The following ABCC11 variants were observed in gnomAD, a reference collection of about 807,000 sequenced individuals.
ABCC11 encodes ATP binding cassette subfamily C member 11.
In ABCC11, 135 loss-of-function variants were observed where a neutral mutation model predicts 149.3. The observed-to-expected ratio is 0.90, with a 90% confidence interval of 0.79 to 1.04. The LOEUF (loss-of-function observed/expected upper bound fraction) is 1.04. Ranked by LOEUF, ABCC11 falls within the 50% of genes least tolerant of loss-of-function variation. The probability of loss-of-function intolerance (pLI) is 0.00; values close to 1 mark genes in which losing one functional copy is unlikely to be tolerated. For missense variants in ABCC11, 1,680 were observed against 1,722.1 expected (o/e 0.98, Z 0.43); for synonymous variants, 665 against 671.4 (o/e 0.99, Z 0.15).
At chr16:48,184,106 T>A (rs1430614891) in intron 23 of ABCC11, among the ~76,000 whole-genome samples, 2 of 152,184 alleles carry the variant, frequency 1.3e-5, no homozygotes, top group East Asian at 3.9e-4. Context: ...CTAACATGCA[T>A]CTGTTTGGAC....
intron 13 of ABCC11, 128 bp downstream of exon 13, chr16:48,205,285 T>C (rs1968333852): frequency 1.1e-5 from 14 of 1,323,778 alleles, no homozygotes; most frequent in Non-Finnish European, 1.5e-5. Context: ...CAGTGAGGGG[T>C]GAATATGATA....
At chr16:48,201,794 G>A (rs963734713) in intron 14 of ABCC11, among the ~76,000 whole-genome samples, 5 of 152,166 alleles carry the variant, frequency 3.3e-5, no homozygotes, top group Non-Finnish European at 7.3e-5. Flanking sequence ...AGGAGTTGAG[G>A]GTGGAAACCC....
In ABCC11 at chr16:48,216,115, G is replaced by A. The variant is rs11863236; in HGVS notation, c.950C>T (p.Ala317Val). The A allele has an allele frequency of 6.0e-5, 96 of 1,613,260 alleles. 1 individual carries two copies. Among genetic ancestry groups the A allele is most frequent in the Middle Eastern group, 1.6e-4 (1 of 6,080 alleles). The change falls in exon 7 of 30, where the codon GCG (alanine) becomes GTG (valine). Residue 317 changes from alanine (A) to valine (V), a missense_variant and splice_region_variant. Ala to Val is a moderately conservative substitution (Grantham distance 64, BLOSUM62 0). Transcript: ENST00000356608. ...ILCYLLVFPL[A>V]VFMTRMAVKA... ...ATGGGTGACAGAGAAAGACATTACC[G>A]CCAGTGGGAAAACCAGGAGATAGCA...
chr16:48,208,293 G>T (rs1030881688), intron 12 of ABCC11, 132 bp downstream of exon 12: 11 of 955,570 alleles, frequency 1.2e-5, no homozygotes, highest in Admixed American at 2.5e-5. Flanking sequence ...AACCATTTTT[G>T]ATTTATAAAA....
rs1378542185 is a variant in ABCC11, at chr16:48,247,446, T to C, written c.-151A>G. ...GAAGTAATTTGCTCCCAGCGTTCTT[T>C]GCCACACAGAGTGGCAGGATTAGAT... On this transcript the variant is annotated 5_prime_UTR_variant, in exon 1 of 30. Transcript: ENST00000356608. The C allele has an allele frequency of 2.6e-5, 4 of 152,508 alleles. No individual in the cohort carries two copies. Among genetic ancestry groups the C allele is most frequent in the Admixed American group, 6.5e-5 (1 of 15,294 alleles). The allele number at this position is 152,508 out of a possible 1,614,324, so 9.4% of individuals were successfully genotyped here.
intron 4 of ABCC11, among the ~76,000 whole-genome samples, chr16:48,227,121 G>A (rs1488422733): frequency 1.3e-5 from 2 of 152,154 alleles, no homozygotes; most frequent in Non-Finnish European, 2.9e-5. Flanking sequence ...AATACTCAGT[G>A]CCACTGTTGA....
At chr16:48,219,307 C>T (rs542682868) in intron 6 of ABCC11, among the ~76,000 whole-genome samples, 1 of 152,078 alleles carries the variant, frequency 6.6e-6, no homozygotes, top group East Asian at 1.9e-4. Flanking sequence ...GTAGCTGGGA[C>T]CACAGGCGCA....
At chr16:48,214,348 G>A (rs1258942011) in intron 9 of ABCC11, among the ~76,000 whole-genome samples, 1 of 152,088 alleles carries the variant, frequency 6.6e-6, no homozygotes, top group Non-Finnish European at 1.5e-5. Context: ...CCCCTTGGCT[G>A]CAGACTCTCA....
At position 48,167,316 on chromosome 16, in the gene ABCC11, C is replaced by A. The variant is rs1470371372; in HGVS notation, c.4107G>T (p.Leu1369Phe). The change falls in exon 30 of 30, where the codon TTG (leucine) becomes TTT (phenylalanine). Residue 1369 changes from leucine (L) to phenylalanine (F), a missense_variant. Transcript: ENST00000356608. ...PEVLRKKPGS[L>F]FAALMATATS... ...TGGCTGTGGCCATGAGGGCTGCGAA[C>A]AATGACCCAGGCTTCTTCCGCAGTA... 2 of 959,992 alleles carry A rather than the reference C, an allele frequency of 2.1e-6. No individual in the cohort carries two copies. The highest frequency in any genetic ancestry group is 3.4e-6 in the Non-Finnish European group (2 of 582,126). 59.5% of individuals were successfully genotyped at this position (959,992 alleles called of 1,614,324 possible).
intron 11 of ABCC11, chr16:48,209,692 G>A (rs1968750967): frequency 6.6e-6 from 1 of 152,364 alleles, no homozygotes; most frequent in Admixed American, 6.5e-5. Flanking sequence ...CAGAGAGACA[G>A]AGGATGGGAG....
intron 13 of ABCC11, 45 bp downstream of exon 13, chr16:48,205,368 C>A (rs563631544): frequency 3.7e-6 from 6 of 1,609,498 alleles, no homozygotes; most frequent in South Asian, 3.3e-5. Flanking sequence ...GCCCCCAGAC[C>A]AGCCACATGC....
chr16:48,221,740 G>A (rs1969753113), intron 6 of ABCC11, among the ~76,000 whole-genome samples: 1 of 111,288 alleles, frequency 9.0e-6, no homozygotes, highest in South Asian at 2.3e-4. Context: ...TATTTGGGGT[G>A]TGTGTGTGTG....
chr16:48,222,506 C>A (rs894966871), intron 6 of ABCC11, 92 bp downstream of exon 6: 11 of 1,049,686 alleles, frequency 1.0e-5, no homozygotes, highest in Admixed American at 2.2e-5. Flanking sequence ...CTCTTCTAAC[C>A]CCCTTTTCTC....
intron 3 of ABCC11, among the ~76,000 whole-genome samples, chr16:48,229,837 C>T (rs1567288597): frequency 1.3e-5 from 2 of 152,186 alleles, no homozygotes; most frequent in Non-Finnish European, 2.9e-5. Context: ...TCATGCCACA[C>T]CCACATCACA....
At chr16:48,244,708 A>G in intron 1 of ABCC11, 1 of 1,000,350 alleles carries the variant, frequency 1.0e-6, no homozygotes, top group Non-Finnish European at 1.3e-6. Context: ...CTTGAGCGCG[A>G]GGCTCAGTTC....
Position 48,192,736 on chromosome 16 carries a change from G to T in ABCC11, c.2509-19C>A, listed in dbSNP as rs988475603. ...TATTGGTCTTCAAGAAAGAACAGGGGGTCTGACTGCAGGTGTCCGGGGGAA... is the reference window on the plus strand; with the variant it reads ...TATTGGTCTTCAAGAAAGAACAGGGTGTCTGACTGCAGGTGTCCGGGGGAA... On this transcript the variant is annotated intron_variant, in intron 19 of 29. Transcript: ENST00000356608. The T allele has an allele frequency of 1.2e-6, 2 of 1,613,106 alleles. No homozygotes were observed. The highest frequency in any genetic ancestry group is 1.7e-5 in the Admixed American group (1 of 60,010).
rs143836185 is a variant in ABCC11 at position 48,198,274 on chromosome 16, T to C, written c.2084A>G (p.Tyr695Cys). Residue 695 changes from tyrosine to cysteine, a missense_variant and splice_region_variant, in exon 16 of 30, where the codon TAC (tyrosine) becomes TGC (cysteine). Physicochemically the swap from Tyr to Cys is radical, Grantham distance 194 (BLOSUM62 -2). Transcript: ENST00000356608. ...AATGATCTGGCCACAAAATTCTAAGTACTGGACAGTCAAAAGAAAGAAAGG... is the reference window on the plus strand; with the variant it reads ...AATGATCTGGCCACAAAATTCTAAGCACTGGACAGTCAAAAGAAAGAAAGG... ...TVVLVTHQLQYLEFCGQIILL... is the reference protein window; with the variant it reads ...TVVLVTHQLQCLEFCGQIILL... The C allele has an allele frequency of 3.6e-4, 576 of 1,614,122 alleles. 1 individual carries two copies. The highest frequency in any genetic ancestry group is 1.8e-3 in the Middle Eastern group (11 of 6,062).
intron 23 of ABCC11, among the ~76,000 whole-genome samples, chr16:48,183,740 A>T (rs1966587838): frequency 1.3e-5 from 2 of 152,176 alleles, no homozygotes; most frequent in African/African-American, 4.8e-5. Context: ...TCCATCCTGG[A>T]TGACAGAGTG....
rs141007478 is a variant in ABCC11 at position 48,227,850 on chromosome 16, G to A, written c.351C>T (p.Ile117=). 5.0e-4 allele frequency: 799 copies of A among 1,613,398 alleles called. 1 individual carries two copies. The highest frequency in any genetic ancestry group is 5.8e-4 in the Non-Finnish European group (689 of 1,179,764). The change falls in exon 4 of 30, where the codon ATC becomes ATT. Residue 117 remains isoleucine, a synonymous_variant. Coordinates refer to ENST00000356608, the MANE Select transcript of ABCC11 (RefSeq NM_001370497.1). ...SLRSRLDENT[I]PPLSVHDASD... ...AGGCATCATGGACTGACAGTGGAGG[G>A]ATGGTGTTCTCATCTAAGCGACTCC...
Sources: gnomAD v4.1 joint callset for allele counts (sites outside exome capture counted in the v4.1 genomes callset) on GRCh38, gnomAD v4.1.1 for gene constraint, MANE v1.5 for transcripts, NCBI Gene and HGNC (gene_info 2026-07-23, HGNC 2026-07-21) for gene names.